The following ZHX3 variants were observed in gnomAD, a reference collection of about 807,000 sequenced individuals.
The protein encoded by ZHX3 is zinc fingers and homeoboxes 3.
In ZHX3, 20 loss-of-function variants were observed where a neutral mutation model predicts 64.5. That is an observed-to-expected ratio of 0.31 (90% CI 0.22 to 0.45). ZHX3 has a LOEUF of 0.45. Ranked by LOEUF, ZHX3 falls within the 20% of genes least tolerant of loss-of-function variation. The pLI is 1.00. For synonymous variants in ZHX3, 423 were observed against 461.6 expected, an observed-to-expected ratio of 0.92 and a Z score of 1.07; for missense variants, 1,041 against 1,195.8, an observed-to-expected ratio of 0.87 and a Z score of 1.91.
chr20:41,203,631 T>C lies in ZHX3; in HGVS notation c.1286A>G (p.Gln429Arg). ...TTGCAACCCATTGGCCATCAATGGC[T>C]GAGTGACCAGAAGTCCCCCTCCTGT... is the stretch of plus-strand genomic sequence containing the variant. ...EGTGGGLLVT[Q>R]PLMANGLQAT... Residue 429 changes from glutamine to arginine, a missense_variant, in exon 3 of 4, where the codon CAG becomes CGG. Physicochemically the swap from Gln to Arg is conservative, Grantham distance 43. Transcript: ENST00000683867. The surrounding 1 kb of genome is among the most constrained non-coding windows in gnomAD (Gnocchi z 7.1). The C allele has an allele frequency of 6.2e-7, 1 of 1,614,210 alleles. No homozygotes were observed. Among genetic ancestry groups the C allele is most frequent in the Non-Finnish European group, 8.5e-7 (1 of 1,180,044 alleles).
At chr20:41,210,571 A>G (rs2039082988) in intron 2 of ZHX3, among the ~76,000 whole-genome samples, 1 of 152,170 alleles carries the variant, frequency 6.6e-6, no homozygotes, top group South Asian at 2.1e-4. Flanking sequence ...GCTAGAAACC[A>G]TCATTCTGAG....
At chr20:41,307,261 T>C (rs2045007281) in intron 1 of ZHX3, among the ~76,000 whole-genome samples, 1 of 152,170 alleles carries the variant, frequency 6.6e-6, no homozygotes, top group Non-Finnish European at 1.5e-5. Context: ...CACAGGGATC[T>C]ACCGACCACA....
At chr20:41,205,504 G>A (rs981704064) in intron 2 of ZHX3, among the ~76,000 whole-genome samples, 6 of 138,378 alleles carry the variant, frequency 4.3e-5, no homozygotes, top group African/African-American at 1.6e-4. Flanking sequence ...ACAAGATGAC[G>A]CCTCTGTCTG....
intron 2 of ZHX3, among the ~76,000 whole-genome samples, chr20:41,229,957 T>C (rs1003800736): frequency 2.1e-4 from 32 of 152,282 alleles, no homozygotes; most frequent in African/African-American, 7.5e-4. Context: ...AGGATCCAAC[T>C]CTATTATTTT....
intron 2 of ZHX3, among the ~76,000 whole-genome samples, chr20:41,255,119 C>T (rs1479690938): frequency 6.6e-6 from 1 of 151,966 alleles, no homozygotes; most frequent in Non-Finnish European, 1.5e-5. Flanking sequence ...AAGATTCATG[C>T]CTGGAAAGGT....
chr20:41,256,368 G>GA (rs1265119220), intron 2 of ZHX3, among the ~76,000 whole-genome samples: 4 of 96,160 alleles, frequency 4.2e-5, no homozygotes, highest in African/African-American at 2.4e-4. Context: ...TGTAAATTGA[G>GA]AATTTTTTTA....
intron 2 of ZHX3, among the ~76,000 whole-genome samples, chr20:41,218,923 GTT>G (rs888061526): frequency 1.1e-5 from 1 of 92,574 alleles, no homozygotes; most frequent in Non-Finnish European, 2.0e-5. Flanking sequence ...AAACAGTGCT[GTT>G]TTTTTTTTTT....
chr20:41,191,421 T>C (rs1158228043), intron 3 of ZHX3, among the ~76,000 whole-genome samples: 1 of 152,170 alleles, frequency 6.6e-6, no homozygotes, highest in East Asian at 1.9e-4. Flanking sequence ...TCCCAAATTG[T>C]TTTTCTTTTT....
chr20:41,240,651 G>A (rs116358681), intron 2 of ZHX3, among the ~76,000 whole-genome samples: 261 of 151,860 alleles, frequency 1.7e-3, no homozygotes, highest in African/African-American at 6.1e-3. Context: ...TTTCCCCCCC[G>A]TCACTCACCC....
chr20:41,313,818 G>T (rs1034721860), intron 1 of ZHX3, among the ~76,000 whole-genome samples: 5 of 152,032 alleles, frequency 3.3e-5, no homozygotes, highest in African/African-American at 1.2e-4. Flanking sequence ...GGATGGTCTC[G>T]ATCTCCTGAC....
chr20:41,218,149 A>G (rs1463349741), intron 2 of ZHX3, among the ~76,000 whole-genome samples: 2 of 151,916 alleles, frequency 1.3e-5, no homozygotes, highest in Non-Finnish European at 2.9e-5. Context: ...CTGTCTCCTA[A>G]AAATGAAAAA....
intron 1 of ZHX3, among the ~76,000 whole-genome samples, chr20:41,271,415 C>T (rs2043143530): frequency 6.6e-6 from 1 of 152,196 alleles, no homozygotes; most frequent in Admixed American, 6.5e-5. Flanking sequence ...CCTTACTCAA[C>T]CAAGGCATTA....
At chr20:41,189,021 G>A (rs941885859) in intron 3 of ZHX3, among the ~76,000 whole-genome samples, 5 of 152,112 alleles carry the variant, frequency 3.3e-5, no homozygotes, top group African/African-American at 7.2e-5. Context: ...TTTGTATATG[G>A]TGAGAGATAC....
intron 1 of ZHX3, among the ~76,000 whole-genome samples, chr20:41,313,838 T>C (rs528864822): frequency 0.018 from 2,720 of 152,252 alleles, 36 homozygotes; most frequent in Non-Finnish European, 0.03. Context: ...CCTCGTGATC[T>C]GCCCGCCTTG....
In ZHX3 at chr20:41,201,423, C is replaced by A. The variant is rs114422897; in HGVS notation, c.2860+634G>T. On this transcript the variant is annotated intron_variant, in intron 3 of 3. Transcript: ENST00000683867. The surrounding 1 kb of genome is among the most constrained non-coding windows in gnomAD (Gnocchi z 5.0). ...ACGTAATAACATGACTTGTCTGTGG[C>A]TTCAAAACTATGTCTTAAATAAAAA... 8.9e-4 allele frequency: 1,126 copies of A among 1,263,278 alleles called. 10 individuals are homozygous for A. The African/African-American group carries it at 0.016, about 17-fold the overall frequency. The allele number at this position is 1,263,278 out of a possible 1,614,324, so 78.3% of individuals were successfully genotyped here.
intron 2 of ZHX3, among the ~76,000 whole-genome samples, chr20:41,250,976 G>A (rs146887575): frequency 7.2e-5 from 11 of 152,028 alleles, no homozygotes; most frequent in Admixed American, 2.6e-4. Context: ...GTGAAACCCC[G>A]TCTCTACTAA....
intron 1 of ZHX3, among the ~76,000 whole-genome samples, chr20:41,295,406 G>A (rs568874201): frequency 6.6e-6 from 1 of 152,058 alleles, no homozygotes; most frequent in South Asian, 2.1e-4. Flanking sequence ...AATGACATGG[G>A]AACAATACAA....
chr20:41,273,528 T>C (rs2043245802), intron 1 of ZHX3, among the ~76,000 whole-genome samples: 1 of 152,170 alleles, frequency 6.6e-6, no homozygotes, highest in East Asian at 1.9e-4. Flanking sequence ...CCATTTTGAG[T>C]TAATTTTAAT....
chr20:41,301,441 G>A (rs967772957), intron 1 of ZHX3, among the ~76,000 whole-genome samples: 3 of 152,036 alleles, frequency 2.0e-5, no homozygotes, highest in Non-Finnish European at 1.5e-5. Context: ...CCTGCTTTGC[G>A]CTCCAGTATC....
Sources: allele counts gnomAD v4.1 joint callset (sites outside exome capture counted in the v4.1 genomes callset), GRCh38; gene constraint gnomAD v4.1.1; non-coding constraint Gnocchi (gnomAD v3.1); transcripts MANE v1.5; gene names NCBI Gene and HGNC (gene_info 2026-07-23, HGNC 2026-07-21).